TMTC1: variants seen among roughly 807,000 people sequenced by gnomAD.
The protein encoded by TMTC1 is protein O-mannosyl-transferase TMTC1.
In TMTC1, 73 loss-of-function variants were observed where a neutral mutation model predicts 104.8. The ratio of observed to expected loss-of-function variants is 0.70; its 90% CI spans 0.58 to 0.85. The LOEUF (loss-of-function observed/expected upper bound fraction) is 0.85. Among genes scored for constraint, TMTC1 ranks in the 40% least tolerant of loss-of-function variants. TMTC1 has a pLI of 0.00. For missense variants in TMTC1, 1,035 were observed against 1,096.1 expected (o/e 0.94, Z 0.79); for synonymous variants, 434 against 428.7 (o/e 1.01, Z -0.15).
intron 5 of TMTC1, among the ~76,000 whole-genome samples, chr12:29,643,691 T>TA (rs1555180766): frequency 0.27 from 608 of 2,212 alleles, 171 homozygotes; most frequent in Middle Eastern, 0.5. Context: ...ATTATATATA[T>TA]TATATATATT....
At chr12:29,613,553 A>T (rs952750338) in intron 6 of TMTC1, among the ~76,000 whole-genome samples, 5 of 152,182 alleles carry the variant, frequency 3.3e-5, no homozygotes, top group Admixed American at 1.3e-4. Context: ...TAATAAGGGG[A>T]CCTAGTGTGG....
intron 5 of TMTC1, among the ~76,000 whole-genome samples, chr12:29,714,515 T>A (rs78014903): frequency 6.6e-6 from 1 of 152,368 alleles, no homozygotes; most frequent in East Asian, 1.9e-4. Flanking sequence ...CTTTAATTCA[T>A]GATAAAGGGC....
rs59528318 is a variant in TMTC1 at position 29,671,524 on chromosome 12, G to A, written c.939-38188C>T. Among the ~76,000 whole-genome samples, 827 of 152,192 alleles carry A rather than the reference G, an allele frequency of 5.4e-3. 8 individuals carry two copies. Among genetic ancestry groups the A allele is most frequent in the African/African-American group, 0.019 (785 of 41,526 alleles). Reference sequence around the variant, plus strand: ...AAAATGTATTGAGTGCATACTGTGCGACAGACACTGTTCTAAACACGCTAA... The same window carrying A: ...AAAATGTATTGAGTGCATACTGTGCAACAGACACTGTTCTAAACACGCTAA... On this transcript the variant is annotated intron_variant, in intron 5 of 17. Transcript: ENST00000539277.
At chr12:29,678,638 T>A (rs1401382122) in intron 5 of TMTC1, among the ~76,000 whole-genome samples, 1 of 152,192 alleles carries the variant, frequency 6.6e-6, no homozygotes, top group Non-Finnish European at 1.5e-5. Context: ...TGAGCCACTG[T>A]TCATGGCTAT....
At chr12:29,530,284 C>T (rs1944465633) in intron 11 of TMTC1, among the ~76,000 whole-genome samples, 1 of 152,194 alleles carries the variant, frequency 6.6e-6, no homozygotes, top group Admixed American at 6.5e-5. Context: ...CACCATTAGA[C>T]TCTCTTTCCT....
At chr12:29,752,608 A>G (rs1943118214) in intron 4 of TMTC1, among the ~76,000 whole-genome samples, 1 of 152,252 alleles carries the variant, frequency 6.6e-6, no homozygotes, top group African/African-American at 2.4e-5. Flanking sequence ...GAAATAAACT[A>G]AATTCCAAAC....
intron 6 of TMTC1, among the ~76,000 whole-genome samples, chr12:29,625,087 T>C (rs1937907591): frequency 1.3e-5 from 2 of 152,236 alleles, no homozygotes; most frequent in South Asian, 4.1e-4. Flanking sequence ...TACTTGCTGA[T>C]TCAGTACACA....
At chr12:29,515,650 C>G (rs189064218) in intron 15 of TMTC1, among the ~76,000 whole-genome samples, 1 of 152,026 alleles carries the variant, frequency 6.6e-6, no homozygotes, top group Non-Finnish European at 1.5e-5. Flanking sequence ...AGAGGTAGCG[C>G]TTCATGATAT....
chr12:29,690,241 T>C (rs1002442438), intron 5 of TMTC1, among the ~76,000 whole-genome samples: 17 of 152,198 alleles, frequency 1.1e-4, no homozygotes, highest in Admixed American at 2.6e-4. Context: ...AGGAAGAAAC[T>C]GCGGCAATCA....
intron 5 of TMTC1, among the ~76,000 whole-genome samples, chr12:29,669,323 C>G (rs1167561841): frequency 6.6e-6 from 1 of 152,190 alleles, no homozygotes; most frequent in Admixed American, 6.5e-5. Context: ...CACTCCGGGA[C>G]TTCATGGCCC....
intron 5 of TMTC1, chr12:29,666,228 C>CTTTTTTTTTTTTTTT (rs751968439): frequency 1.3e-4 from 46 of 366,244 alleles, no homozygotes; most frequent in Middle Eastern, 6.1e-4. Context: ...TTTCTTTTTT[C>CTTTTTTTTTTTTTTT]TTTTTTTTTT....
At chr12:29,642,781 C>T (rs1938914052) in intron 5 of TMTC1, among the ~76,000 whole-genome samples, 1 of 151,882 alleles carries the variant, frequency 6.6e-6, no homozygotes, top group African/African-American at 2.4e-5. Flanking sequence ...AAAAATTAGC[C>T]GGGCGTGGTG....
At chr12:29,550,238 T>G (rs1230515029) in intron 10 of TMTC1, among the ~76,000 whole-genome samples, 4 of 151,970 alleles carry the variant, frequency 2.6e-5, no homozygotes, top group Non-Finnish European at 5.9e-5. Flanking sequence ...GTCAGGCAGG[T>G]AAATGTTGGT....
At chr12:29,532,076 C>T (rs1332595368) in intron 11 of TMTC1, among the ~76,000 whole-genome samples, 1 of 152,082 alleles carries the variant, frequency 6.6e-6, no homozygotes, top group African/African-American at 2.4e-5. Context: ...TTCTTCAGGG[C>T]TTTTTCCTAC....
intron 12 of TMTC1, chr12:29,519,235 A>G (rs1469908152): frequency 6.8e-6 from 1 of 147,328 alleles, no homozygotes; most frequent in Non-Finnish European, 1.5e-5. Context: ...TGGTTTTTGC[A>G]GGTATTTTTT....
chr12:29,671,002 T>A (rs11050354), intron 5 of TMTC1, among the ~76,000 whole-genome samples: 41,068 of 103,840 alleles, frequency 0.4, 10,324 homozygotes, highest in African/African-American at 0.43. Flanking sequence ...TAAGAAATTA[T>A]CAAAAAGTCA....
intron 5 of TMTC1, among the ~76,000 whole-genome samples, chr12:29,670,128 T>C (rs561455350): frequency 6.6e-6 from 1 of 152,350 alleles, no homozygotes; most frequent in Non-Finnish European, 1.5e-5. Context: ...CAAGTAGACG[T>C]TTGCACTAAG....
rs887321921 is a variant in TMTC1, at chr12:29,783,207, C to A, written c.302+243G>T. ...GAGAGAAGCCCGCTGAGAGGGCAGACAGTTGAGAAACTCGATCCCAACTCC... is the reference window on the plus strand; with the variant it reads ...GAGAGAAGCCCGCTGAGAGGGCAGAAAGTTGAGAAACTCGATCCCAACTCC... On this transcript the variant is annotated intron_variant, in intron 1 of 17. Transcript: ENST00000539277. The surrounding 1 kb of genome is among the most constrained non-coding windows in gnomAD (Gnocchi z 4.7). 1.6e-4 allele frequency among the ~76,000 whole-genome samples: 24 copies of A among 152,180 alleles called. No homozygotes were observed. Among genetic ancestry groups the A allele is most frequent in the Non-Finnish European group, 2.9e-4 (20 of 68,040 alleles).
At chr12:29,547,474 C>T (rs1206263180) in intron 10 of TMTC1, among the ~76,000 whole-genome samples, 1 of 152,214 alleles carries the variant, frequency 6.6e-6, no homozygotes, top group African/African-American at 2.4e-5. Flanking sequence ...ACTGCCAAAT[C>T]TTGAGTAAGT....
Sources: gnomAD v4.1 joint callset for allele counts (sites outside exome capture counted in the v4.1 genomes callset) on GRCh38, gnomAD v4.1.1 for gene constraint, Gnocchi (gnomAD v3.1) non-coding constraint, MANE v1.5 for transcripts, NCBI Gene and HGNC (gene_info 2026-07-23, HGNC 2026-07-21) for gene names.